Variants in RBFOX1 observed in about 807,000 individuals in gnomAD.
RBFOX1 encodes the protein RNA binding protein fox-1 homolog 1.
A neutral mutation model predicts 57.7 loss-of-function variants in RBFOX1; 8 were observed. The observed-to-expected ratio is 0.14, with a 90% CI of 0.08 to 0.25. The LOEUF (loss-of-function observed/expected upper bound fraction) is 0.25, where lower values mean the gene tolerates loss of function less well. RBFOX1 is among the 10% of genes least tolerant of loss of function. The probability of loss-of-function intolerance (pLI) is 1.00; values close to 1 mark genes in which losing one functional copy is unlikely to be tolerated. For missense variants in RBFOX1, 611 were observed against 548.5 expected (o/e 1.11, Z -1.14); for synonymous variants, 326 against 222.4 (o/e 1.47, Z -4.15).
intron 3 of RBFOX1, among the ~76,000 whole-genome samples, chr16:6,766,711 C>T (rs886523233): frequency 4.6e-5 from 7 of 151,982 alleles, no homozygotes; most frequent in African/African-American, 1.7e-4. Context: ...AACTCTAGAG[C>T]CTCTTCTGAA....
Position 5,404,615 on chromosome 16 carries a change from C to T in RBFOX1, c.220-62601C>T, listed in dbSNP as rs756635276. On this transcript the variant is annotated intron_variant, in intron 1 of 2. Transcript: ENST00000585867. ...TCCTTTCTTCACCTGATGGTTCCCA[C>T]GTTAGCTCTGAGTTCATCACAGAGC... 2.0e-5 allele frequency among the ~76,000 whole-genome samples: 3 copies of T among 152,282 alleles called. No homozygotes were observed. In the South Asian group the frequency reaches 6.2e-4, roughly 32 times the overall value.
intron 4 of RBFOX1, among the ~76,000 whole-genome samples, chr16:7,160,073 A>G (rs572263596): frequency 9.2e-5 from 14 of 152,206 alleles, no homozygotes; most frequent in Non-Finnish European, 2.1e-4. Context: ...TATTCAAGGG[A>G]CTCATAACAG....
At chr16:5,365,234 A>G (rs2065677795) in intron 1 of RBFOX1, among the ~76,000 whole-genome samples, 1 of 152,152 alleles carries the variant, frequency 6.6e-6, no homozygotes. Flanking sequence ...GGGAGGTGTC[A>G]CACTGAATGC....
At chr16:7,458,130 A>G (rs1425104177) in intron 4 of RBFOX1, among the ~76,000 whole-genome samples, 1 of 152,002 alleles carries the variant, frequency 6.6e-6, no homozygotes, top group Non-Finnish European at 1.5e-5. Context: ...TAAGTTGCCA[A>G]CTCACTGGAC....
intron 10 of RBFOX1, among the ~76,000 whole-genome samples, chr16:7,618,645 C>A (rs186951289): frequency 2.6e-5 from 4 of 151,684 alleles, no homozygotes; most frequent in African/African-American, 9.7e-5. Context: ...CTTATTTCCC[C>A]AACAAATTAA....
chr16:6,889,341 G>A (rs962025210), intron 3 of RBFOX1, among the ~76,000 whole-genome samples: 3 of 152,186 alleles, frequency 2.0e-5, no homozygotes, highest in African/African-American at 7.2e-5. Context: ...TTACGAGTAT[G>A]CATGTGCCTC....
intron 2 of RBFOX1, among the ~76,000 whole-genome samples, chr16:6,351,373 T>TATATATATATA (rs61442398): frequency 3.0e-5 from 3 of 100,866 alleles, no homozygotes; most frequent in East Asian, 2.5e-4. Flanking sequence ...TATATATATA[T>TATATATATATA]TTTTTTTTTT....
chr16:6,571,972 A>G (rs1335792328), intron 2 of RBFOX1, among the ~76,000 whole-genome samples: 1 of 152,188 alleles, frequency 6.6e-6, no homozygotes, highest in Non-Finnish European at 1.5e-5. Context: ...TGCCTGTGTT[A>G]ACAATTTGGT....
At chr16:6,263,477 G>A (rs80136284) in intron 1 of RBFOX1, among the ~76,000 whole-genome samples, 3,853 of 152,252 alleles carry the variant, frequency 0.025, 109 homozygotes, top group African/African-American at 0.069. Flanking sequence ...CGCCTGATTT[G>A]AACTGAGCAG....
At chr16:7,431,451 G>T (rs936425101) in intron 4 of RBFOX1, among the ~76,000 whole-genome samples, 1 of 151,564 alleles carries the variant, frequency 6.6e-6, no homozygotes, top group Admixed American at 6.6e-5. Flanking sequence ...GTGTTGCCCA[G>T]ACTGGTCTCA....
intron 4 of RBFOX1, among the ~76,000 whole-genome samples, chr16:7,139,780 G>A (rs117285457): frequency 2.2e-3 from 328 of 152,082 alleles, no homozygotes; most frequent in South Asian, 3.9e-3. Flanking sequence ...TAAGTTCATC[G>A]GTGAGCTTTC....
At chr16:5,974,665 A>G (rs928830295) in intron 4 of RBFOX1, among the ~76,000 whole-genome samples, 115 of 152,250 alleles carry the variant, frequency 7.6e-4, no homozygotes, top group African/African-American at 2.5e-3. Context: ...TCTTTAGTTT[A>G]AGGATTTCAT....
chr16:5,854,615 C>A (rs1170368634), intron 3 of RBFOX1, among the ~76,000 whole-genome samples: 1 of 151,940 alleles, frequency 6.6e-6, no homozygotes, highest in African/African-American at 2.4e-5. Flanking sequence ...CACATGCACA[C>A]CACATTTTCT....
intron 2 of RBFOX1, among the ~76,000 whole-genome samples, chr16:5,487,277 G>A (rs1214534654): frequency 1.3e-5 from 2 of 152,330 alleles, no homozygotes; most frequent in South Asian, 4.1e-4. Context: ...GAACCATCTT[G>A]TTGTCTATTG....
chr16:7,546,441 G>A (rs1031915323), intron 5 of RBFOX1, among the ~76,000 whole-genome samples: 12 of 152,090 alleles, frequency 7.9e-5, no homozygotes, highest in Admixed American at 1.3e-4. Context: ...CTAATACAAC[G>A]CAATCCCTTA....
intron 4 of RBFOX1, among the ~76,000 whole-genome samples, chr16:5,956,851 T>A (rs1055766423): frequency 5.3e-5 from 8 of 149,944 alleles, no homozygotes; most frequent in Non-Finnish European, 7.4e-5. Context: ...TTTTTTTTTT[T>A]ATAGAGATGG....
At chr16:7,256,455 A>C (rs1261666364) in intron 4 of RBFOX1, among the ~76,000 whole-genome samples, 1 of 152,162 alleles carries the variant, frequency 6.6e-6, no homozygotes, top group Non-Finnish European at 1.5e-5. Flanking sequence ...TTATGGCATT[A>C]TTGCTGACCT....
At chr16:5,976,139 A>C (rs890114489) in intron 4 of RBFOX1, among the ~76,000 whole-genome samples, 8 of 152,064 alleles carry the variant, frequency 5.3e-5, no homozygotes, top group Admixed American at 2.6e-4. Context: ...AGTGAGATTC[A>C]ATCTCAAAAT....
rs182099278 is a variant in RBFOX1 at position 7,067,021 on chromosome 16, C to T, written c.27+14923C>T. Among the ~76,000 whole-genome samples the T allele has an allele frequency of 5.6e-3, 854 of 152,254 alleles. 9 individuals carry two copies. The highest frequency in any genetic ancestry group is 8.2e-3 in the Non-Finnish European group (557 of 68,024). Reference sequence around the variant, plus strand: ...CTAACAAACAGTAACAGATTATGCACACAGAGCATCTACTGTAAGTAAATA... The same window carrying T: ...CTAACAAACAGTAACAGATTATGCATACAGAGCATCTACTGTAAGTAAATA... On this transcript the variant is annotated intron_variant, in intron 4 of 15. Coordinates refer to ENST00000550418, the MANE Select transcript of RBFOX1 (RefSeq NM_018723.4).
Sources: gnomAD v4.1 joint callset for allele counts (sites outside exome capture counted in the v4.1 genomes callset) on GRCh38, gnomAD v4.1.1 for gene constraint, MANE v1.5 for transcripts, NCBI Gene and HGNC (gene_info 2026-07-23, HGNC 2026-07-21) for gene names.